Variants in DPP6 observed in about 807,000 individuals in gnomAD.
The protein encoded by DPP6 is dipeptidyl peptidase like 6.
In DPP6, 69 loss-of-function variants were observed where a neutral mutation model predicts 122.6. The ratio of observed to expected loss-of-function variants is 0.56; its 90% CI spans 0.46 to 0.69. The LOEUF (loss-of-function observed/expected upper bound fraction) is 0.69. DPP6 is among the 30% of genes least tolerant of loss of function. The pLI, the probability that DPP6 is intolerant of heterozygous loss-of-function variation, is 0.00. For synonymous variants in DPP6, 418 were observed against 433.1 expected (o/e 0.97, Z 0.43); for missense variants, 928 against 1,116.9 (o/e 0.83, Z 2.41).
At position 154,821,655 on chromosome 7, in the gene DPP6, T is replaced by C. The variant is rs1444632774; in HGVS notation, c.1666+14543T>C. Among the ~76,000 whole-genome samples, 3 of 137,822 alleles carry C rather than the reference T, an allele frequency of 2.2e-5. No homozygotes were observed. The highest frequency in any genetic ancestry group is 8.7e-5 in the African/African-American group (3 of 34,498). The allele number at this position is 137,822 out of a possible 152,430, so 90.4% of individuals were successfully genotyped here. ...ATATATATATATATATACACATATA[T>C]ATATATATACACATATATATATACA... On this transcript the variant is annotated intron_variant, in intron 16 of 25. Transcript: ENST00000377770. This position sits in a 1 kb window ranked among gnomAD's most constrained non-coding sequence, Gnocchi z 4.2.
At chr7:154,125,275 C>T (rs1563222986) in intron 1 of DPP6, among the ~76,000 whole-genome samples, 2 of 152,218 alleles carry the variant, frequency 1.3e-5, no homozygotes, top group South Asian at 2.1e-4. Flanking sequence ...CAAACTAAGA[C>T]GTGAAAACTC....
chr7:153,809,188 T>A, the DPP6 span, among the ~76,000 whole-genome samples: 4 of 152,142 alleles, frequency 2.6e-5, no homozygotes, highest in Non-Finnish European at 5.9e-5. Context: ...CATCTCCGTA[T>A]GTCTTCTTTG....
chr7:154,328,533 C>T (rs1808640850), intron 1 of DPP6, among the ~76,000 whole-genome samples: 1 of 152,180 alleles, frequency 6.6e-6, no homozygotes, highest in Non-Finnish European at 1.5e-5. Context: ...TGAAAATAAT[C>T]TTTACTGGCT....
At chr7:153,948,617 TTA>T (rs63181860) in intron 1 of DPP6, among the ~76,000 whole-genome samples, 71,248 of 148,360 alleles carry the variant, frequency 0.48, 18,067 homozygotes, top group East Asian at 0.85. Context: ...CACTGTTTTT[TTA>T]TTTTTATTTT....
In DPP6 at chr7:154,600,657, T is replaced by C. The variant is rs1189340380; in HGVS notation, c.627+33741T>C. Among the ~76,000 whole-genome samples the C allele has an allele frequency of 1.6e-5, 2 of 121,568 alleles. 1 individual carries two copies. Among genetic ancestry groups the C allele is most frequent in the Non-Finnish European group, 3.7e-5 (2 of 53,806 alleles). 79.8% of individuals were successfully genotyped at this position (121,568 alleles called of 152,430 possible). ...ATGTCCAGGGTCACTCGGCTGGGAA[T>C]TTGGGAAGCCAAGTTGGAAACTCAG... is the stretch of plus-strand genomic sequence containing the variant. On this transcript the variant is annotated intron_variant, in intron 5 of 25. Transcript: ENST00000377770.
rs564459704 is a variant in DPP6, at chr7:154,413,429, T to C, written c.244-32785T>C. ...AAAAGGCTGACATGCAAAGAGAGTATGGTGGCGTGTACTAAAGGCTTTATG... is the reference window on the plus strand; with the variant it reads ...AAAAGGCTGACATGCAAAGAGAGTACGGTGGCGTGTACTAAAGGCTTTATG... On this transcript the variant is annotated intron_variant, in intron 1 of 25. Coordinates refer to ENST00000377770, the MANE Select transcript of DPP6 (RefSeq NM_130797.4). Among the ~76,000 whole-genome samples the C allele has an allele frequency of 3.9e-5, 6 of 152,338 alleles. No homozygotes were observed. In the South Asian group the frequency reaches 6.2e-4, roughly 16 times the overall value.
chr7:154,878,925 T>G (rs564484971), intron 20 of DPP6, among the ~76,000 whole-genome samples: 1 of 152,220 alleles, frequency 6.6e-6, no homozygotes, highest in Non-Finnish European at 1.5e-5. Context: ...TTCACGTAGC[T>G]AGTGGAGGAA....
intron 16 of DPP6, among the ~76,000 whole-genome samples, chr7:154,851,907 G>A (rs1242189195): frequency 6.6e-6 from 1 of 152,124 alleles, no homozygotes; most frequent in African/African-American, 2.4e-5. Context: ...TGTGCATGGG[G>A]TAGAGACTGG....
chr7:154,120,503 C>A (rs939517213), intron 1 of DPP6, among the ~76,000 whole-genome samples: 5 of 152,152 alleles, frequency 3.3e-5, no homozygotes, highest in African/African-American at 9.7e-5. Context: ...CTCAGCCTCC[C>A]AAAGTGCTGG....
the DPP6 span, among the ~76,000 whole-genome samples, chr7:153,773,399 T>C: frequency 9.3e-5 from 14 of 150,900 alleles, no homozygotes; most frequent in Non-Finnish European, 1.9e-4. Flanking sequence ...ATTTACCTAA[T>C]GACATTTGTA....
At chr7:154,024,754 G>A (rs1388300718) in intron 1 of DPP6, among the ~76,000 whole-genome samples, 2 of 152,192 alleles carry the variant, frequency 1.3e-5, no homozygotes, top group South Asian at 2.1e-4. Flanking sequence ...TCCGAGCAGC[G>A]GGGCTTGTCT....
In DPP6 at chr7:154,889,262, G is replaced by A. The variant is rs372460639; in HGVS notation, c.2305-10G>A. Reference sequence around the variant, plus strand: ...CCCCTAACTCTGTCCCCTTGCCCCCGCATGTGCAGATGACCAAGGTAGCCC... The same window carrying A: ...CCCCTAACTCTGTCCCCTTGCCCCCACATGTGCAGATGACCAAGGTAGCCC... On this transcript the variant is annotated splice_polypyrimidine_tract_variant and intron_variant, in intron 23 of 25. Transcript: ENST00000377770. The A allele has an allele frequency of 4.6e-5, 74 of 1,611,632 alleles. No individual in the cohort carries two copies. Among genetic ancestry groups the A allele is most frequent in the African/African-American group, 1.3e-4 (10 of 74,904 alleles).
chr7:154,609,557 A>C (rs766214656), intron 5 of DPP6, among the ~76,000 whole-genome samples: 5 of 152,138 alleles, frequency 3.3e-5, no homozygotes, highest in Non-Finnish European at 7.3e-5. Context: ...TTTCTAGATC[A>C]CTCTGTCTCT....
intron 1 of DPP6, among the ~76,000 whole-genome samples, chr7:154,286,476 C>T (rs899739646): frequency 6.6e-6 from 1 of 152,198 alleles, no homozygotes; most frequent in Non-Finnish European, 1.5e-5. Context: ...CGTTTGTCCA[C>T]TCCATAGCCA....
At chr7:154,357,767 C>T (rs1011608005) in intron 1 of DPP6, among the ~76,000 whole-genome samples, 1 of 151,978 alleles carries the variant, frequency 6.6e-6, no homozygotes, top group Non-Finnish European at 1.5e-5. Context: ...CATGGTGAAA[C>T]CCCATATCTA....
intron 10 of DPP6, among the ~76,000 whole-genome samples, chr7:154,776,404 A>G (rs1337681985): frequency 6.6e-6 from 1 of 152,036 alleles, no homozygotes; most frequent in Non-Finnish European, 1.5e-5. Context: ...GATCAAATAT[A>G]TGGTTCCCAC....
At chr7:154,314,835 T>C (rs1563463107) in intron 1 of DPP6, among the ~76,000 whole-genome samples, 2 of 152,290 alleles carry the variant, frequency 1.3e-5, no homozygotes, top group East Asian at 3.9e-4. Context: ...AACTGTTAAC[T>C]GGCAGCTGCA....
At chr7:154,765,801 A>T (rs932237450) in intron 8 of DPP6, among the ~76,000 whole-genome samples, 1 of 152,190 alleles carries the variant, frequency 6.6e-6, no homozygotes, top group Non-Finnish European at 1.5e-5. Context: ...CAAGTTAATT[A>T]TACTTGCTCA....
intron 1 of DPP6, among the ~76,000 whole-genome samples, chr7:154,176,568 G>A (rs766200577): frequency 1.6e-4 from 25 of 152,218 alleles, no homozygotes; most frequent in Admixed American, 4.6e-4. Flanking sequence ...ATGTGTCTGC[G>A]TATGTGTGTG....
Sources: allele counts gnomAD v4.1 joint callset (sites outside exome capture counted in the v4.1 genomes callset), GRCh38; gene constraint gnomAD v4.1.1; non-coding constraint Gnocchi (gnomAD v3.1); transcripts MANE v1.5; gene names NCBI Gene and HGNC (gene_info 2026-07-23, HGNC 2026-07-21).